The following CCDC63 variants were observed in gnomAD, a reference collection of about 807,000 sequenced individuals.
CCDC63 encodes the protein coiled-coil domain containing 63, also known as coiled-coil domain-containing protein 63.
Under a neutral mutation model 63.6 loss-of-function variants are expected in CCDC63, and 54 were observed. The ratio of observed to expected loss-of-function variants is 0.85; its 90% CI spans 0.68 to 1.07. The LOEUF (loss-of-function observed/expected upper bound fraction) is 1.07, where lower values mean the gene tolerates loss of function less well. Among genes scored for constraint, CCDC63 ranks in the 50% least tolerant of loss-of-function variants. The pLI, the probability that CCDC63 is intolerant of heterozygous loss-of-function variation, is 0.00. For missense variants in CCDC63, 637 were observed against 689.6 expected (o/e 0.92, Z 0.86); for synonymous variants, 253 against 266.1 (o/e 0.95, Z 0.48).
intron 10 of CCDC63, among the ~76,000 whole-genome samples, chr12:110,903,976 T>C (rs2071524459): frequency 1.3e-5 from 2 of 152,216 alleles, no homozygotes; most frequent in African/African-American, 4.8e-5. Context: ...ATTTTCCTAA[T>C]TGCCCTCCTT....
intron 9 of CCDC63, among the ~76,000 whole-genome samples, chr12:110,893,577 G>A (rs543894603): frequency 3.5e-4 from 54 of 152,244 alleles, no homozygotes; most frequent in African/African-American, 1.0e-3. Flanking sequence ...ACGAGGCGCC[G>A]GGCTAAGAGC....
intron 9 of CCDC63, among the ~76,000 whole-genome samples, chr12:110,895,307 G>T (rs1241244609): frequency 1.3e-5 from 2 of 152,122 alleles, no homozygotes; most frequent in South Asian, 2.1e-4. Context: ...TAGAGACGGG[G>T]TTTTACCATG....
At chr12:110,905,914 AT>A (rs1306249524) in intron 11 of CCDC63, among the ~76,000 whole-genome samples, 2 of 81,294 alleles carry the variant, frequency 2.5e-5, no homozygotes, top group African/African-American at 1.3e-4. Context: ...TATATATTAT[AT>A]TATATATAAT....
At chr12:110,905,887 T>TA (rs1566144304) in intron 11 of CCDC63, among the ~76,000 whole-genome samples, 5 of 15,154 alleles carry the variant, frequency 3.3e-4, no homozygotes, top group South Asian at 3.7e-3. Flanking sequence ...TGTGTATATA[T>TA]ATAATATTAT....
chr12:110,899,105 T>A lies in CCDC63; in HGVS notation c.1322T>A (p.Ile441Asn). ...GGGGAGACGGGGAAAGTCACTGACA[T>A]CAACCTTCCGCAGTATTTTGGTGAG... ...QLGETGKVTD[I>N]NLPQYFAIIE... The change falls in exon 10 of 12, where the codon ATC (isoleucine) becomes AAC (asparagine). Residue 441 changes from isoleucine (I) to asparagine (N), a missense_variant. Coordinates refer to ENST00000308208, the MANE Select transcript of CCDC63 (RefSeq NM_152591.3). 6.2e-7 allele frequency: 1 copy of A among 1,612,536 alleles called. No homozygotes were observed. Among genetic ancestry groups the A allele is most frequent in the Non-Finnish European group, 8.5e-7 (1 of 1,179,378 alleles).
chr12:110,904,766 C>T lies in CCDC63; in HGVS notation c.1521C>T (p.Asp507=). 6.2e-7 allele frequency: 1 copy of T among 1,611,602 alleles called. No homozygotes were observed. The highest frequency in any genetic ancestry group is 1.1e-5 in the South Asian group (1 of 90,820). ...TCATCCCCCCAGTGCTGGGGGCTGA[C>T]CCCTTCAGCGACAGGTTGGATGATG... ...IKVIPPVLGA[D]PFSDRLDDVE... Residue 507 remains aspartate (D), a synonymous_variant, in exon 11 of 12, where the codon GAC becomes GAT. Coordinates refer to ENST00000308208, the MANE Select transcript of CCDC63 (RefSeq NM_152591.3).
At chr12:110,855,789 C>A (rs879388523) in intron 3 of CCDC63, among the ~76,000 whole-genome samples, 2 of 152,142 alleles carry the variant, frequency 1.3e-5, no homozygotes, top group Non-Finnish European at 2.9e-5. Flanking sequence ...CCATGTTGGT[C>A]AGGCTAGTCT....
intron 3 of CCDC63, 135 bp downstream of exon 3, chr12:110,853,709 T>C: frequency 1.1e-6 from 1 of 885,190 alleles, no homozygotes; most frequent in Non-Finnish European, 1.8e-6. Context: ...ATCCACGGTC[T>C]TTTATCTGCA....
intron 1 of CCDC63, among the ~76,000 whole-genome samples, chr12:110,848,554 G>T (rs1235473899): frequency 6.6e-6 from 1 of 152,202 alleles, no homozygotes; most frequent in African/African-American, 2.4e-5. Context: ...TGGAGCTTTT[G>T]GTTCCTGGAG....
chr12:110,880,599 T>C (rs1207429578), intron 6 of CCDC63, among the ~76,000 whole-genome samples: 2 of 151,188 alleles, frequency 1.3e-5, no homozygotes, highest in African/African-American at 4.9e-5. Context: ...GCTCTTTAGA[T>C]GGTAAAGAGG....
chr12:110,852,835 T>C, intron 1 of CCDC63, 24 bp from the exon 2 acceptor site: 2 of 1,537,692 alleles, frequency 1.3e-6, no homozygotes. Context: ...TTACAAGTTC[T>C]CTTCCTTTTG....
rs1363754749 is a variant in CCDC63 at position 110,880,057 on chromosome 12, T to C, written c.641T>C (p.Ile214Thr). ...LMEKKTMNLAIEQSSQAYEQR... is the reference protein window; with the variant it reads ...LMEKKTMNLATEQSSQAYEQR... ...GAGAAGAAAACCATGAACTTGGCCA[T>C]TGAGCAATCTTCTCAGGCCTATGAG... Residue 214 changes from isoleucine (I) to threonine (T), a missense_variant, in exon 6 of 12, where the codon ATT becomes ACT. By Grantham distance (89) the Ile-to-Thr change is moderately conservative. Coordinates refer to ENST00000308208, the MANE Select transcript of CCDC63 (RefSeq NM_152591.3). 6.2e-6 allele frequency: 10 copies of C among 1,614,106 alleles called. No individual in the cohort carries two copies. Among genetic ancestry groups the C allele is most frequent in the Admixed American group, 1.7e-5 (1 of 60,000 alleles).
rs2070812616 is a variant in CCDC63, at chr12:110,858,756, T to C, written c.350T>C (p.Leu117Ser). 1 of 1,613,874 alleles carries C rather than the reference T, an allele frequency of 6.2e-7. No homozygotes were observed. Among genetic ancestry groups the C allele is most frequent in the Admixed American group, 1.7e-5 (1 of 59,978 alleles). ...EALIKSLKVL[L>S]AELDEKILQM... Reference sequence around the variant, plus strand: ...TTGATTAAATCCCTGAAAGTGCTGTTGGCTGAACTGGATGAGAAGGTGTGG... The same window carrying C: ...TTGATTAAATCCCTGAAAGTGCTGTCGGCTGAACTGGATGAGAAGGTGTGG... The change falls in exon 4 of 12, where the codon TTG (leucine) becomes TCG (serine). Residue 117 changes from leucine (L) to serine (S), a missense_variant. Transcript: ENST00000308208.
intron 4 of CCDC63, among the ~76,000 whole-genome samples, chr12:110,872,437 C>T (rs559488109): frequency 1.3e-5 from 2 of 152,304 alleles, no homozygotes; most frequent in Admixed American, 1.3e-4. Context: ...GTATCCACAA[C>T]TCGAAGAACA....
At chr12:110,888,445 C>T (rs574961113) in intron 8 of CCDC63, among the ~76,000 whole-genome samples, 4 of 152,286 alleles carry the variant, frequency 2.6e-5, no homozygotes, top group Non-Finnish European at 4.4e-5. Flanking sequence ...GATGGGTAAG[C>T]GCTGCCCTCT....
At chr12:110,884,840 C>T (rs770009032) in intron 8 of CCDC63, among the ~76,000 whole-genome samples, 7 of 146,520 alleles carry the variant, frequency 4.8e-5, no homozygotes, top group Non-Finnish European at 1.0e-4. Context: ...GTGCCCGCCA[C>T]GACGCCCTGC....
At chr12:110,879,758 T>G in intron 5 of CCDC63, 148 bp from the exon 6 acceptor site, 3 of 717,596 alleles carry the variant, frequency 4.2e-6, no homozygotes, top group Non-Finnish European at 7.1e-6. Context: ...TCCAACCAGT[T>G]GAGCCTCTTG....
chr12:110,880,219 C>G, intron 6 of CCDC63, 132 bp downstream of exon 6: 1 of 762,648 alleles, frequency 1.3e-6, no homozygotes, highest in South Asian at 1.8e-5. Flanking sequence ...AGTAATAATT[C>G]TGAGCACTGA....
At chr12:110,893,584 G>A (rs1028791789) in intron 9 of CCDC63, among the ~76,000 whole-genome samples, 3 of 152,170 alleles carry the variant, frequency 2.0e-5, no homozygotes, top group Non-Finnish European at 4.4e-5. Flanking sequence ...GCCGGGCTAA[G>A]AGCTTGGCTT....
Sources: allele counts gnomAD v4.1 joint callset (sites outside exome capture counted in the v4.1 genomes callset), GRCh38; gene constraint gnomAD v4.1.1; transcripts MANE v1.5; gene names NCBI Gene and HGNC (gene_info 2026-07-23, HGNC 2026-07-21).